The following SLC12A6 variants were observed in gnomAD, a reference collection of about 807,000 sequenced individuals.
SLC12A6 encodes the protein K-Cl cotransporter 3.
In SLC12A6, 66 loss-of-function variants were observed where a neutral mutation model predicts 135.3. That is an observed-to-expected ratio of 0.49 (90% CI 0.40 to 0.60). The LOEUF (loss-of-function observed/expected upper bound fraction) is 0.60, where lower values mean the gene tolerates loss of function less well. Ranked by LOEUF, SLC12A6 falls within the 20% of genes least tolerant of loss-of-function variation. The pLI is 0.00. For synonymous variants in SLC12A6, 513 were observed against 508.8 expected, an observed-to-expected ratio of 1.01 and a Z score of -0.11; for missense variants, 1,058 against 1,452.3, an observed-to-expected ratio of 0.73 and a Z score of 4.41.
At chr15:34,280,494 C>A (rs1257556771) in intron 2 of SLC12A6, among the ~76,000 whole-genome samples, 2 of 152,010 alleles carry the variant, frequency 1.3e-5, no homozygotes, top group African/African-American at 2.4e-5. Context: ...TTTAAAAAAA[C>A]CAAAGCGTCA....
chr15:34,299,756 T>C (rs1277737047), intron 2 of SLC12A6: 2 of 152,286 alleles, frequency 1.3e-5, no homozygotes, highest in East Asian at 1.9e-4. Flanking sequence ...AAAAGAGTAA[T>C]AAACAAGGAA....
intron 16 of SLC12A6, among the ~76,000 whole-genome samples, chr15:34,242,899 G>A (rs1488994296): frequency 6.6e-6 from 1 of 151,968 alleles, no homozygotes; most frequent in Non-Finnish European, 1.5e-5. Context: ...GTGTGGTGAC[G>A]GGCGCCTGTA....
Position 34,255,309 on chromosome 15 carries a change from T to C in SLC12A6, c.829A>G (p.Thr277Ala). 3 of 1,611,286 alleles carry C rather than the reference T, an allele frequency of 1.9e-6. No individual in the cohort carries two copies. The highest frequency in any genetic ancestry group is 2.5e-6 in the Non-Finnish European group (3 of 1,177,352). Residue 277 changes from threonine to alanine, a missense_variant, in exon 8 of 26, where the codon ACA becomes GCA. Transcript: ENST00000354181. Reference protein sequence around the residue: ...AVGLCFYLGTTFAAAMYILGA... With the variant: ...AVGLCFYLGTAFAAAMYILGA... Reference sequence around the variant, plus strand: ...AGGATGTACATGGCTGCTGCAAATGTGGTACCAAGATAAAAGCAGAGGCCA... The same window carrying C: ...AGGATGTACATGGCTGCTGCAAATGCGGTACCAAGATAAAAGCAGAGGCCA...
rs141449080 is a variant in SLC12A6, at chr15:34,310,165, C to G, written c.271+26245G>C. ...CTGGGACTACAGGCACACAACACCA[C>G]GCCCAGCTAGTGTGTGTGTGTGTGT... On this transcript the variant is annotated intron_variant, in intron 2 of 25. Coordinates refer to ENST00000354181, the MANE Select transcript of SLC12A6 (RefSeq NM_001365088.1). Among the ~76,000 whole-genome samples the G allele has an allele frequency of 9.0e-3, 1,288 of 142,658 alleles. 10 individuals carry two copies. Among genetic ancestry groups the G allele is most frequent in the Middle Eastern group, 0.031 (9 of 286 alleles). 93.6% of individuals were successfully genotyped at this position (142,658 alleles called of 152,430 possible).
intron 2 of SLC12A6, among the ~76,000 whole-genome samples, chr15:34,305,585 G>A (rs564098096): frequency 1.3e-5 from 2 of 151,902 alleles, no homozygotes; most frequent in South Asian, 4.2e-4. Flanking sequence ...AAAAGTTCCT[G>A]TTCTCCTGGT....
chr15:34,239,856 AC>A (rs1891525022), intron 19 of SLC12A6, among the ~76,000 whole-genome samples: 2 of 151,984 alleles, frequency 1.3e-5, no homozygotes, highest in Admixed American at 1.3e-4. Context: ...AATCCTGTGT[AC>A]CTTTTATTAA....
Position 34,337,740 on chromosome 15 carries a change from G to A in SLC12A6, c.-481C>T, listed in dbSNP as rs1259720195. ...CAGGTGCAGTATCCCGGCGCCAGCTGATGCGGGTGCGCGCGCAGCTGTTGT... is the reference window on the plus strand; with the variant it reads ...CAGGTGCAGTATCCCGGCGCCAGCTAATGCGGGTGCGCGCGCAGCTGTTGT... On this transcript the variant is annotated 5_prime_UTR_variant, in exon 1 of 26. Transcript: ENST00000354181. The A allele has an allele frequency of 6.6e-6, 1 of 152,338 alleles. No individual in the cohort carries two copies. The highest frequency in any genetic ancestry group is 1.5e-5 in the Non-Finnish European group (1 of 68,152). The allele number at this position is 152,338 out of a possible 1,614,324, so 9.4% of individuals were successfully genotyped here. A position where few individuals can be genotyped will look rare whatever the true frequency, so the allele number is the denominator to read the frequency against.
chr15:34,244,137 T>C, intron 15 of SLC12A6, 65 bp from the exon 16 acceptor site: 2 of 924,610 alleles, frequency 2.2e-6, no homozygotes, highest in Non-Finnish European at 3.6e-6. Flanking sequence ...GTTAAGTAAC[T>C]GAATACCTTT....
At position 34,258,881 on chromosome 15, in the gene SLC12A6, G is replaced by A. The variant is rs7164902; in HGVS notation, c.475C>T (p.Leu159=). 392,617 of 1,611,736 alleles carry A rather than the reference G, an allele frequency of 0.24. 48,847 individuals carry two copies. Among genetic ancestry groups the A allele is most frequent in the South Asian group, 0.34 (30,956 of 91,010 alleles). The change falls in exon 5 of 26, where the codon CTG becomes TTG. Residue 159 remains leucine, a synonymous_variant. Transcript: ENST00000354181. Reference sequence around the variant, plus strand: ...TCATGTTCCTTTGCTCCTTGAGTCAGATTAGTGTAATTGGCCATGCGGTTG... The same window carrying A: ...TCATGTTCCTTTGCTCCTTGAGTCAAATTAGTGTAATTGGCCATGCGGTTG... ...LLNRMANYTN[L]TQGAKEHEEA...
intron 2 of SLC12A6, among the ~76,000 whole-genome samples, chr15:34,304,011 T>C (rs931672503): frequency 6.6e-6 from 1 of 152,198 alleles, no homozygotes; most frequent in Non-Finnish European, 1.5e-5. Flanking sequence ...AATCTAATTT[T>C]ACATTTTTGT....
intron 2 of SLC12A6, among the ~76,000 whole-genome samples, chr15:34,279,064 C>T (rs1417283178): frequency 6.6e-6 from 1 of 151,720 alleles, no homozygotes; most frequent in African/African-American, 2.4e-5. Flanking sequence ...CACCTGTAAT[C>T]CCAGCACTTT....
chr15:34,291,911 C>T (rs954816617), intron 2 of SLC12A6, among the ~76,000 whole-genome samples: 1 of 152,034 alleles, frequency 6.6e-6, no homozygotes, highest in African/African-American at 2.4e-5. Flanking sequence ...TTTTAGCTTC[C>T]TTGCAATGGG....
chr15:34,238,098 A>T, intron 21 of SLC12A6, 134 bp downstream of exon 21: 4 of 710,724 alleles, frequency 5.6e-6, no homozygotes, highest in Non-Finnish European at 7.6e-6. Flanking sequence ...GGATCATGGG[A>T]AAGCCTAGAA....
At chr15:34,305,818 C>T (rs568052915) in intron 2 of SLC12A6, among the ~76,000 whole-genome samples, 10 of 147,820 alleles carry the variant, frequency 6.8e-5, no homozygotes, top group African/African-American at 2.5e-4. Flanking sequence ...AAGGGAGTGG[C>T]GCGATCTCGG....
intron 2 of SLC12A6, among the ~76,000 whole-genome samples, chr15:34,283,193 A>G (rs530179549): frequency 6.6e-6 from 1 of 152,056 alleles, no homozygotes; most frequent in Non-Finnish European, 1.5e-5. Context: ...AAATACAAAA[A>G]TCAGCCAGGC....
At chr15:34,320,514 AG>A (rs755499110) in intron 2 of SLC12A6, among the ~76,000 whole-genome samples, 91 of 152,236 alleles carry the variant, frequency 6.0e-4, no homozygotes, top group Non-Finnish European at 1.1e-3. Context: ...AGGATTAAAG[AG>A]GAAAAAAAGA....
intron 13 of SLC12A6, among the ~76,000 whole-genome samples, chr15:34,247,074 A>G (rs1892042607): frequency 6.6e-6 from 1 of 152,232 alleles, no homozygotes; most frequent in Admixed American, 6.5e-5. Flanking sequence ...CACTGGAAAT[A>G]TAAGAAGATT....
At chr15:34,304,110 C>G (rs1388632935) in intron 2 of SLC12A6, among the ~76,000 whole-genome samples, 1 of 152,180 alleles carries the variant, frequency 6.6e-6, no homozygotes, top group Admixed American at 6.5e-5. Flanking sequence ...GACCATTAAT[C>G]TAACTTCTGC....
rs374703421 is a variant in SLC12A6 at position 34,243,026 on chromosome 15, T to C, written c.2043-805A>G. 4.2e-4 allele frequency among the ~76,000 whole-genome samples: 64 copies of C among 152,228 alleles called. No homozygotes were observed. In the East Asian group the frequency reaches 7.8e-3, roughly 19 times the overall value. ...CTCCTACCTCAGCCTCCTGAGTAGC[T>C]GGGATTACAGGCATGTGCCACCATG... On this transcript the variant is annotated intron_variant, in intron 16 of 25. Transcript: ENST00000354181.
Sources: gnomAD v4.1 joint callset for allele counts (sites outside exome capture counted in the v4.1 genomes callset) on GRCh38, gnomAD v4.1.1 for gene constraint, MANE v1.5 for transcripts, NCBI Gene and HGNC (gene_info 2026-07-23, HGNC 2026-07-21) for gene names.